The following ZNF568 variants were observed in gnomAD, a reference collection of about 807,000 sequenced individuals.
ZNF568 encodes p53 inhibitor of SCO2 activation.
ZNF568 carries 11 observed loss-of-function variants against 18.1 expected under a neutral mutation model. The ratio of observed to expected loss-of-function variants is 0.61; its 90% CI spans 0.38 to 1.00. The LOEUF (loss-of-function observed/expected upper bound fraction) is 1.00, where lower values mean the gene tolerates loss of function less well. Ranked by LOEUF, ZNF568 falls within the 50% of genes least tolerant of loss-of-function variation. ZNF568 has a pLI of 0.01. For synonymous variants in ZNF568, 213 were observed against 246.6 expected (o/e 0.86, Z 1.28); for missense variants, 639 against 768.2 (o/e 0.83, Z 1.99).
downstream of ZNF568, among the ~76,000 whole-genome samples, chr19:36,956,505 C>T (rs912043609): frequency 1.3e-5 from 2 of 152,148 alleles, no homozygotes; most frequent in African/African-American, 2.4e-5. Context: ...TAAACCCTAT[C>T]ATAGATTTCC....
chr19:36,974,975 C>T (rs1468954265), intron 7 of ZNF568, among the ~76,000 whole-genome samples: 5 of 146,796 alleles, frequency 3.4e-5, no homozygotes, highest in East Asian at 4.2e-4. Context: ...TACAGGCACA[C>T]ACCACCACGC....
Position 36,950,130 on chromosome 19 carries a change from G to C in ZNF568, c.977G>C (p.Arg326Pro). The C allele has an allele frequency of 6.2e-7, 1 of 1,613,868 alleles. No homozygotes were observed. The highest frequency in any genetic ancestry group is 1.7e-5 in the Admixed American group (1 of 60,004). Residue 326 changes from arginine to proline, a missense_variant, in exon 7 of 7, where the codon CGA becomes CCA. By Grantham distance (103) the Arg-to-Pro change is moderately radical. Transcript: ENST00000333987. ...SQKSNLIEHE[R>P]IHTGEKPYEC... is the part of the protein sequence containing the mutation. ...AAATCAAATCTCATTGAACATGAGC[G>C]AATTCACACTGGAGAGAAACCCTAT... is the stretch of plus-strand genomic sequence containing the variant.
chr19:36,944,057 T>G (rs1445624143), intron 6 of ZNF568, among the ~76,000 whole-genome samples: 1 of 152,006 alleles, frequency 6.6e-6, no homozygotes, highest in Non-Finnish European at 1.5e-5. Context: ...GAGTTATTGG[T>G]TCTATAGCTT....
chr19:36,941,550 TTTTGGATCGTATTTAG>T (rs1204439850), intron 6 of ZNF568, among the ~76,000 whole-genome samples: 7 of 152,196 alleles, frequency 4.6e-5, no homozygotes, highest in Non-Finnish European at 1.0e-4. Context: ...TTATTACCAA[TTTTGGATCGTATTTAG>T]TTTGGACAGA....
chr19:36,997,866 C>A, downstream of ZNF568: 2 of 392,274 alleles, frequency 5.1e-6, no homozygotes, highest in Non-Finnish European at 9.3e-6. Flanking sequence ...TATTACACAT[C>A]ATGATACAAC....
chr19:36,976,666 T>C (rs1023880981), intron 7 of ZNF568, among the ~76,000 whole-genome samples: 19 of 152,064 alleles, frequency 1.2e-4, no homozygotes, highest in Non-Finnish European at 2.2e-4. Flanking sequence ...ATCCCAGCAC[T>C]TTGGGAGGCC....
intron 4 of ZNF568, among the ~76,000 whole-genome samples, chr19:36,994,064 T>G (rs1257548704): frequency 5.9e-5 from 9 of 152,000 alleles, no homozygotes; most frequent in Non-Finnish European, 1.3e-4. Flanking sequence ...AGCTGTAAAT[T>G]TCCCTTTAAG....
At chr19:36,941,983 A>ATTTT (rs4006373) in intron 6 of ZNF568, among the ~76,000 whole-genome samples, 3 of 138,230 alleles carry the variant, frequency 2.2e-5, no homozygotes, top group Non-Finnish European at 3.1e-5. Context: ...TGCTCTGTAA[A>ATTTT]TTTTTTTTTT....
intron 6 of ZNF568, among the ~76,000 whole-genome samples, chr19:36,967,470 C>T (rs971853365): frequency 5.3e-5 from 8 of 151,948 alleles, no homozygotes; most frequent in African/African-American, 9.7e-5. Flanking sequence ...GGCTGAGGCA[C>T]GAGAATCACT....
intron 6 of ZNF568, among the ~76,000 whole-genome samples, chr19:36,972,377 C>T (rs2074243118): frequency 1.3e-5 from 2 of 152,042 alleles, no homozygotes; most frequent in South Asian, 4.1e-4. Context: ...TATTGGTTTT[C>T]CGTTATTTCC....
At chr19:36,956,230 G>A (rs2074106108), downstream of ZNF568, among the ~76,000 whole-genome samples, 1 of 152,172 alleles carries the variant, frequency 6.6e-6, no homozygotes. Flanking sequence ...GCCAACTTCT[G>A]AGAATCTTGG....
chr19:36,991,935 G>A, intron 4 of ZNF568: 1 of 1,061,716 alleles, frequency 9.4e-7, no homozygotes, highest in Non-Finnish European at 1.3e-6. Flanking sequence ...GATTTTGGTA[G>A]GAAAGCTGCC....
exon 5 of ZNF568, chr19:36,997,208 C>G: frequency 6.2e-7 from 1 of 1,608,222 alleles, no homozygotes; most frequent in South Asian, 1.1e-5. Context: ...GGTGAGAAAC[C>G]CCATGAATGT....
chr19:36,941,983 A>AT lies in ZNF568; in HGVS notation c.358+4758dup, dbSNP rs4006373. Among the ~76,000 whole-genome samples, 1,330 of 138,216 alleles carry AT rather than the reference A, an allele frequency of 9.6e-3. 28 individuals are homozygous for AT. The highest frequency in any genetic ancestry group is 0.052 in the East Asian group (244 of 4,698). 90.7% of individuals were successfully genotyped at this position (138,216 alleles called of 152,430 possible). On this transcript the variant is annotated intron_variant, in intron 6 of 6. Coordinates refer to ENST00000333987, the MANE Select transcript of ZNF568 (RefSeq NM_198539.4). The stretch of plus-strand genomic sequence containing the variant: ...AACAAATGTTTATACTGCTCTGTAA[A>AT]TTTTTTTTTTTTTTTTTGAGACAGA...
chr19:36,949,925 G>A lies in ZNF568; in HGVS notation c.772G>A (p.Ala258Thr). ...TTACGAATGTAAAGAATGTGGAAAA[G>A]CCTTCAGTAGGAAGGAAAATCTTAT... ...KPYECKECGK[A>T]FSRKENLITH... The change falls in exon 7 of 7, where the codon GCC (alanine) becomes ACC (threonine). Residue 258 changes from alanine (A) to threonine (T), a missense_variant. Transcript: ENST00000333987. The A allele has an allele frequency of 6.2e-7, 1 of 1,613,800 alleles. No individual in the cohort carries two copies. Among genetic ancestry groups the A allele is most frequent in the Non-Finnish European group, 8.5e-7 (1 of 1,179,910 alleles).
At chr19:36,981,291 G>T (rs1395644736), downstream of ZNF568, among the ~76,000 whole-genome samples, 1 of 152,142 alleles carries the variant, frequency 6.6e-6, no homozygotes, top group Non-Finnish European at 1.5e-5. Context: ...CTCTAGAAAG[G>T]TCTTAGCTGT....
chr19:36,962,123 T>G (rs1307283775), intron 6 of ZNF568, among the ~76,000 whole-genome samples: 2 of 59,438 alleles, frequency 3.4e-5, no homozygotes, highest in African/African-American at 1.5e-4. Context: ...TGTTTTATGT[T>G]TTTTTTTTTT....
At chr19:36,968,328 A>G (rs1469557858) in intron 6 of ZNF568, among the ~76,000 whole-genome samples, 1 of 152,066 alleles carries the variant, frequency 6.6e-6, no homozygotes, top group Non-Finnish European at 1.5e-5. Context: ...TAATCCCAAC[A>G]CTTTGGGAGG....
chr19:36,986,627 T>C (rs1022130074), intron 2 of ZNF568, among the ~76,000 whole-genome samples: 1 of 152,174 alleles, frequency 6.6e-6, no homozygotes, highest in African/African-American at 2.4e-5. Context: ...TTTTCTTTTT[T>C]TCCCCCCTCC....
Sources: allele counts gnomAD v4.1 joint callset (sites outside exome capture counted in the v4.1 genomes callset), GRCh38; gene constraint gnomAD v4.1.1; transcripts MANE v1.5; gene names NCBI Gene and HGNC (gene_info 2026-07-23, HGNC 2026-07-21).